Variants in SCAPER observed in about 807,000 individuals in gnomAD.
SCAPER encodes the protein S-phase cyclin A associated protein in the ER.
Under a neutral mutation model 182.2 loss-of-function variants are expected in SCAPER, and 98 were observed. The observed-to-expected ratio is 0.54, with a 90% CI of 0.46 to 0.64. The LOEUF (loss-of-function observed/expected upper bound fraction) is 0.64, where lower values mean the gene tolerates loss of function less well. Ranked by LOEUF, SCAPER falls within the 30% of genes least tolerant of loss-of-function variation. The pLI is 0.00. For synonymous variants in SCAPER, 605 were observed against 564.6 expected, an observed-to-expected ratio of 1.07 and a Z score of -1.01; for missense variants, 1,432 against 1,690.0, an observed-to-expected ratio of 0.85 and a Z score of 2.68.
At chr15:76,357,189 C>CACACACACACACACACA (rs1555410451) in intron 29 of SCAPER, among the ~76,000 whole-genome samples, 5 of 146,372 alleles carry the variant, frequency 3.4e-5, no homozygotes, top group South Asian at 2.2e-4. Flanking sequence ...CACACACACA[C>CACACACACACACACACA]CCCTATGGCC....
chr15:76,651,260 C>T (rs1024204037), intron 21 of SCAPER, among the ~76,000 whole-genome samples: 8 of 151,442 alleles, frequency 5.3e-5, no homozygotes, highest in South Asian at 2.1e-4. Flanking sequence ...TCGGGGGGAA[C>T]GAAGGAAGAA....
intron 21 of SCAPER, among the ~76,000 whole-genome samples, chr15:76,648,319 T>C (rs969182298): frequency 6.6e-6 from 1 of 150,548 alleles, no homozygotes; most frequent in Non-Finnish European, 1.5e-5. Context: ...TGAGACACAG[T>C]AGAAAAAAAA....
Position 76,609,048 on chromosome 15 carries a change from C to G in SCAPER, c.2711+12716G>C, listed in dbSNP as rs114347635. 4.0e-3 allele frequency among the ~76,000 whole-genome samples: 603 copies of G among 152,336 alleles called. 6 individuals are homozygous for G. Among genetic ancestry groups the G allele is most frequent in the African/African-American group, 0.012 (514 of 41,572 alleles). ...CTACCGTCCTGCCCCTACTGTCTGG[C>G]ACTCCCCATTGAGATGAACCCGGTA... On this transcript the variant is annotated intron_variant, in intron 22 of 31. Transcript: ENST00000563290.
intron 23 of SCAPER, among the ~76,000 whole-genome samples, chr15:76,573,626 T>C (rs541044912): frequency 1.1e-4 from 17 of 152,154 alleles, no homozygotes; most frequent in Non-Finnish European, 2.4e-4. Flanking sequence ...TATCAGTTGC[T>C]ATTACAGGAA....
intron 23 of SCAPER, among the ~76,000 whole-genome samples, chr15:76,510,711 C>T (rs893085891): frequency 6.6e-5 from 10 of 152,210 alleles, no homozygotes; most frequent in African/African-American, 2.4e-4. Context: ...CCAGCAATTC[C>T]ACTACTGGGC....
chr15:76,406,704 C>G (rs2044866882), intron 26 of SCAPER, among the ~76,000 whole-genome samples: 1 of 152,048 alleles, frequency 6.6e-6, no homozygotes, highest in African/African-American at 2.4e-5. Context: ...TGAATTATCC[C>G]AAGAACACCA....
intron 5 of SCAPER, among the ~76,000 whole-genome samples, chr15:76,820,868 GA>G (rs1327404875): frequency 6.6e-6 from 1 of 151,982 alleles, no homozygotes; most frequent in African/African-American, 2.4e-5. Context: ...ATAAACATAT[GA>G]AAACATGCTC....
intron 23 of SCAPER, among the ~76,000 whole-genome samples, chr15:76,534,932 T>C (rs528285505): frequency 1.3e-5 from 2 of 152,280 alleles, no homozygotes; most frequent in Non-Finnish European, 2.9e-5. Context: ...ACTTTTAACA[T>C]AAAGAACAAA....
intron 23 of SCAPER, among the ~76,000 whole-genome samples, chr15:76,529,814 G>A (rs2043497892): frequency 6.6e-6 from 1 of 152,204 alleles, no homozygotes; most frequent in African/African-American, 2.4e-5. Flanking sequence ...AAAGAGTCGG[G>A]CAAATCTAGA....
intron 4 of SCAPER, among the ~76,000 whole-genome samples, chr15:76,845,141 T>C (rs2069936001): frequency 6.6e-6 from 1 of 152,160 alleles, no homozygotes; most frequent in Admixed American, 6.6e-5. Context: ...TTCCAATGCA[T>C]GCTGAAAAAG....
At chr15:76,419,961 G>C (rs2045914755) in intron 26 of SCAPER, among the ~76,000 whole-genome samples, 1 of 152,118 alleles carries the variant, frequency 6.6e-6, no homozygotes, top group Admixed American at 6.5e-5. Flanking sequence ...GCTCATCCCA[G>C]GGATGAAAGG....
rs2040804921 is a variant in SCAPER, at chr15:76,354,257, A to G, written c.3856-117T>C. ...ATGCTGAAGGAGTGTAAAGAAAAAG[A>G]CTCCTGACTCCGTACCAGAGCTTAA... On this transcript the variant is annotated intron_variant, in intron 29 of 31. Transcript: ENST00000563290. The surrounding 1 kb of genome is among the most constrained non-coding windows in gnomAD (Gnocchi z 4.4). 1.2e-6 allele frequency: 1 copy of G among 802,422 alleles called. No homozygotes were observed. Among genetic ancestry groups the G allele is most frequent in the Admixed American group, 3.8e-5 (1 of 26,526 alleles). The allele number at this position is 802,422 out of a possible 1,614,324, so 49.7% of individuals were successfully genotyped here. A position where few individuals can be genotyped will look rare whatever the true frequency, so the allele number is the denominator to read the frequency against.
chr15:76,565,518 A>G (rs569648887), intron 23 of SCAPER, among the ~76,000 whole-genome samples: 4 of 152,204 alleles, frequency 2.6e-5, no homozygotes, highest in African/African-American at 9.6e-5. Flanking sequence ...TTAAAATGTC[A>G]AAAAAATAAC....
intron 29 of SCAPER, among the ~76,000 whole-genome samples, chr15:76,360,593 G>C (rs1272758743): frequency 6.6e-6 from 1 of 152,228 alleles, no homozygotes; most frequent in African/African-American, 2.4e-5. Context: ...CCAGCTTCTT[G>C]CATGGCTCTG....
At chr15:76,662,835 C>T (rs113334569) in intron 21 of SCAPER, among the ~76,000 whole-genome samples, 1,810 of 151,982 alleles carry the variant, frequency 0.012, 22 homozygotes, top group African/African-American at 0.04. Context: ...AGCCTAAATG[C>T]AAAAGCTAAA....
chr15:76,503,990 A>G (rs2041364628), intron 24 of SCAPER, among the ~76,000 whole-genome samples: 2 of 151,578 alleles, frequency 1.3e-5, no homozygotes, highest in African/African-American at 4.9e-5. Context: ...GGCTCTAGTG[A>G]TCCTTCCTTT....
intron 27 of SCAPER, among the ~76,000 whole-genome samples, chr15:76,385,727 C>G (rs2043247697): frequency 6.6e-6 from 1 of 152,134 alleles, no homozygotes; most frequent in Admixed American, 6.5e-5. Flanking sequence ...GATGTTCTGT[C>G]AGGTATTCTG....
chr15:76,506,186 T>C (rs551219551), intron 23 of SCAPER, among the ~76,000 whole-genome samples: 1 of 152,256 alleles, frequency 6.6e-6, no homozygotes, highest in East Asian at 1.9e-4. Context: ...TAAGACCTAG[T>C]ACTTGATAGC....
At chr15:76,633,680 T>C (rs887699320) in intron 21 of SCAPER, among the ~76,000 whole-genome samples, 2 of 152,208 alleles carry the variant, frequency 1.3e-5, no homozygotes, top group Non-Finnish European at 2.9e-5. Context: ...ATTGGGGTCC[T>C]GCTTAAAGAA....
Sources: gnomAD v4.1 joint callset for allele counts (sites outside exome capture counted in the v4.1 genomes callset) on GRCh38, gnomAD v4.1.1 for gene constraint, Gnocchi (gnomAD v3.1) non-coding constraint, MANE v1.5 for transcripts, NCBI Gene and HGNC (gene_info 2026-07-23, HGNC 2026-07-21) for gene names.